ESF1: variants seen among roughly 807,000 people sequenced by gnomAD.
The protein encoded by ESF1 is ESF1 nucleolar pre-rRNA processing protein.
ESF1 carries 58 observed loss-of-function variants against 92.0 expected under a neutral mutation model. That is an observed-to-expected ratio of 0.63 (90% CI 0.51 to 0.78). The LOEUF (loss-of-function observed/expected upper bound fraction) is 0.78, where lower values mean the gene tolerates loss of function less well. ESF1 is among the 30% of genes least tolerant of loss of function. The pLI is 0.00. For synonymous variants in ESF1, 321 were observed against 313.7 expected (o/e 1.02, Z -0.24); for missense variants, 922 against 989.1 (o/e 0.93, Z 0.91).
chr20:13,717,069 A>G (rs1246381950), intron 13 of ESF1, among the ~76,000 whole-genome samples: 1 of 151,838 alleles, frequency 6.6e-6, no homozygotes, highest in Non-Finnish European at 1.5e-5. Flanking sequence ...TGCCCACATC[A>G]GCCTCCCAAA....
Position 13,742,355 on chromosome 20 carries a change from C to A in ESF1, c.1829-8513G>T, listed in dbSNP as rs149464232. 5.6e-3 allele frequency among the ~76,000 whole-genome samples: 851 copies of A among 152,220 alleles called. 16 individuals are homozygous for A. The highest frequency in any genetic ancestry group is 0.027 in the Admixed American group (411 of 15,280). On this transcript the variant is annotated intron_variant, in intron 9 of 13. Coordinates refer to ENST00000617257, the MANE Select transcript of ESF1 (RefSeq NM_001276380.2). ...GGGTGTGGTAGTGAGTGACTGTAATCCCAGCTACTTGGGAGGCTGAGGCAG... is the reference window on the plus strand; with the variant it reads ...GGGTGTGGTAGTGAGTGACTGTAATACCAGCTACTTGGGAGGCTGAGGCAG...
chr20:13,723,616 T>C (rs1033025710), intron 11 of ESF1, among the ~76,000 whole-genome samples: 4 of 152,010 alleles, frequency 2.6e-5, no homozygotes, highest in Non-Finnish European at 4.4e-5. Flanking sequence ...ACATTCACCC[T>C]GGCACCTAAT....
At chr20:13,732,428 C>T (rs776187152) in intron 10 of ESF1, among the ~76,000 whole-genome samples, 1 of 152,162 alleles carries the variant, frequency 6.6e-6, no homozygotes, top group Non-Finnish European at 1.5e-5. Context: ...ATAAAAATTA[C>T]TCCACTGCAT....
intron 3 of ESF1, 26 bp downstream of exon 3, chr20:13,775,847 A>C: frequency 6.4e-7 from 1 of 1,560,756 alleles, no homozygotes; most frequent in Non-Finnish European, 8.6e-7. Context: ...TTTTTCACAA[A>C]TAATCTTGTT....
At chr20:13,726,587 C>T (rs1003909212) in intron 11 of ESF1, among the ~76,000 whole-genome samples, 8 of 152,178 alleles carry the variant, frequency 5.3e-5, no homozygotes, top group African/African-American at 1.9e-4. Flanking sequence ...CTATTTCTTT[C>T]CTTGAAAACA....
At chr20:13,726,524 T>C (rs2049901896) in intron 11 of ESF1, among the ~76,000 whole-genome samples, 1 of 152,322 alleles carries the variant, frequency 6.6e-6, no homozygotes, top group Non-Finnish European at 1.5e-5. Context: ...GAAGCCTTCT[T>C]TGCCTACCCA....
At chr20:13,753,507 T>A (rs879840050) in intron 9 of ESF1, among the ~76,000 whole-genome samples, 1 of 151,262 alleles carries the variant, frequency 6.6e-6, no homozygotes, top group Admixed American at 6.6e-5. Flanking sequence ...CAGAACCTGA[T>A]GTAGATATCT....
At chr20:13,748,544 GTGTGTA>G (rs1239990611) in intron 9 of ESF1, among the ~76,000 whole-genome samples, 945 of 51,608 alleles carry the variant, frequency 0.018, 9 homozygotes, top group Non-Finnish European at 0.024. Flanking sequence ...ATATATATGT[GTGTGTA>G]TATATATATA....
chr20:13,763,283 G>T (rs1266692447), intron 8 of ESF1, among the ~76,000 whole-genome samples: 6 of 152,190 alleles, frequency 3.9e-5, no homozygotes, highest in African/African-American at 1.4e-4. Context: ...GATATAGGGG[G>T]TTTAGTAAAC....
At chr20:13,737,154 C>G (rs1429682855) in intron 9 of ESF1, among the ~76,000 whole-genome samples, 1 of 152,114 alleles carries the variant, frequency 6.6e-6, no homozygotes, top group African/African-American at 2.4e-5. Flanking sequence ...TAGTTTTGCA[C>G]AAATTTGTTT....
intron 9 of ESF1, among the ~76,000 whole-genome samples, chr20:13,735,314 C>T (rs376621646): frequency 7.9e-5 from 12 of 152,106 alleles, no homozygotes; most frequent in Non-Finnish European, 1.3e-4. Flanking sequence ...AACCTATATG[C>T]ACACTCAAGG....
chr20:13,733,090 T>C (rs2147732920), intron 10 of ESF1, among the ~76,000 whole-genome samples: 1 of 149,706 alleles, frequency 6.7e-6, no homozygotes, highest in Admixed American at 6.6e-5. Context: ...CACATCCACC[T>C]AATTTTTGCA....
intron 9 of ESF1, among the ~76,000 whole-genome samples, chr20:13,758,429 T>C (rs1978998828): frequency 6.6e-6 from 1 of 152,214 alleles, no homozygotes; most frequent in Admixed American, 6.5e-5. Context: ...ACTTCATTCC[T>C]GTAGGAATAT....
chr20:13,731,688 A>G (rs1446883288), intron 10 of ESF1, among the ~76,000 whole-genome samples: 1 of 152,232 alleles, frequency 6.6e-6, no homozygotes, highest in African/African-American at 2.4e-5. Flanking sequence ...TTTCTGGCTC[A>G]TAAGTTCCTT....
intron 8 of ESF1, among the ~76,000 whole-genome samples, chr20:13,762,401 T>C (rs369422973): frequency 1.1e-4 from 17 of 152,200 alleles, no homozygotes; most frequent in African/African-American, 4.1e-4. Flanking sequence ...CATTAACAAA[T>C]GGCAAAGTAT....
At chr20:13,720,923 C>T (rs1194326952) in intron 11 of ESF1, among the ~76,000 whole-genome samples, 1 of 152,148 alleles carries the variant, frequency 6.6e-6, no homozygotes, top group African/African-American at 2.4e-5. Flanking sequence ...GAGTTTGAGA[C>T]CAGCATGGCC....
Position 13,759,700 on chromosome 20 carries a change from C to G in ESF1, c.1820G>C (p.Trp607Ser). The change falls in exon 9 of 14, where the codon TGG becomes TCG. Residue 607 changes from tryptophan to serine, a missense_variant. Coordinates refer to ENST00000617257, the MANE Select transcript of ESF1 (RefSeq NM_001276380.2). ...KENDMEMEIK[W>S]VPGLKESAEE... is the part of the protein sequence containing the mutation. The stretch of plus-strand genomic sequence containing the variant: ...TAGTATCTAATTCTTACCTGGAACC[C>G]ATTTAATTTCCATTTCCATATCATT... 6.3e-7 allele frequency: 1 copy of G among 1,576,250 alleles called. No homozygotes were observed. The highest frequency in any genetic ancestry group is 8.5e-7 in the Non-Finnish European group (1 of 1,170,524).
chr20:13,778,410 G>T (rs542094798), intron 2 of ESF1, among the ~76,000 whole-genome samples: 1 of 151,850 alleles, frequency 6.6e-6, no homozygotes, highest in African/African-American at 2.4e-5. Flanking sequence ...ATCTAGTATT[G>T]CAATATTTCT....
At chr20:13,761,296 T>G (rs1979184082) in intron 8 of ESF1, among the ~76,000 whole-genome samples, 6 of 151,582 alleles carry the variant, frequency 4.0e-5, no homozygotes, top group Admixed American at 3.3e-4. Context: ...TGTTCACTTG[T>G]TTATCTGCTG....
Sources: gnomAD v4.1 joint callset for allele counts (sites outside exome capture counted in the v4.1 genomes callset) on GRCh38, gnomAD v4.1.1 for gene constraint, MANE v1.5 for transcripts, NCBI Gene and HGNC (gene_info 2026-07-23, HGNC 2026-07-21) for gene names.